Variants in OAS3 observed in about 807,000 individuals in gnomAD.
OAS3 encodes the protein 2'-5'-oligoadenylate synthetase 3, also known as 2'-5'-oligoadenylate synthase 3.
A neutral mutation model predicts 113.0 loss-of-function variants in OAS3; 107 were observed. That is an observed-to-expected ratio of 0.95 (90% CI 0.81 to 1.11). The LOEUF (loss-of-function observed/expected upper bound fraction) is 1.11. Among genes scored for constraint, OAS3 ranks in the 50% most tolerant of loss-of-function variants. The pLI, the probability that OAS3 is intolerant of heterozygous loss-of-function variation, is 0.00. For synonymous variants in OAS3, 552 were observed against 573.6 expected, an observed-to-expected ratio of 0.96 and a Z score of 0.54; for missense variants, 1,258 against 1,389.1, an observed-to-expected ratio of 0.91 and a Z score of 1.50.
At chr12:112,948,159 C>T in intron 5 of OAS3, 60 bp downstream of exon 5, 1 of 1,439,482 alleles carries the variant, frequency 6.9e-7, no homozygotes, top group South Asian at 1.5e-5. Flanking sequence ...TCCAGTGTTT[C>T]CTGAGCATCT....
intron 7 of OAS3, among the ~76,000 whole-genome samples, chr12:112,960,332 T>G (rs1237798473): frequency 6.6e-6 from 1 of 152,078 alleles, no homozygotes; most frequent in African/African-American, 2.4e-5. Context: ...ACAGGGGATT[T>G]TCTTTTTTCC....
chr12:112,969,562 CCT>C, intron 14 of OAS3, 44 bp from the exon 15 acceptor site: 9 of 1,569,274 alleles, frequency 5.7e-6, no homozygotes, highest in Non-Finnish European at 7.8e-6. Context: ...CAGGTGGACA[CCT>C]AGATGTTGCC....
chr12:112,958,209 A>G (rs1021313327), intron 7 of OAS3, among the ~76,000 whole-genome samples: 6 of 152,176 alleles, frequency 3.9e-5, no homozygotes, highest in Admixed American at 6.5e-5. Context: ...GGTCTTTTCT[A>G]TGCTGTTCAT....
rs1475327031 is a variant in OAS3, at chr12:112,949,221, G to A, written c.1374+16G>A. On this transcript the variant is annotated intron_variant, in intron 6 of 15. Transcript: ENST00000228928. ...AGTCAGTAAAGTGAGTTGGGCCAGT[G>A]GAGACACAGGGGGGACCCTATCGAG... 1.4e-5 allele frequency: 21 copies of A among 1,551,052 alleles called. No homozygotes were observed. The highest frequency in any genetic ancestry group is 1.9e-5 in the Admixed American group (1 of 53,704).
At chr12:112,941,966 A>G (rs2043685166) in intron 2 of OAS3, 114 bp downstream of exon 2, 1 of 1,312,940 alleles carries the variant, frequency 7.6e-7, no homozygotes, top group African/African-American at 1.4e-5. Flanking sequence ...GCCAGCCTCT[A>G]CCCCTCTCTC....
rs2136364469 is a variant in OAS3 at position 112,969,977 on chromosome 12, T to C, written c.*4T>C. The C allele has an allele frequency of 6.2e-7, 1 of 1,607,800 alleles. No individual in the cohort carries two copies. Among genetic ancestry groups the C allele is most frequent in the Non-Finnish European group, 8.5e-7 (1 of 1,176,968 alleles). ...ACTTCCCCAGGCTGCTGTGTGAAGTTGAGAAAATCAGCGGTCCTACTGGAT... is the reference window on the plus strand; with the variant it reads ...ACTTCCCCAGGCTGCTGTGTGAAGTCGAGAAAATCAGCGGTCCTACTGGAT... On this transcript the variant is annotated 3_prime_UTR_variant, in exon 16 of 16. Coordinates refer to ENST00000228928, the MANE Select transcript of OAS3 (RefSeq NM_006187.4).
chr12:112,939,280 C>T (rs1229117571), intron 1 of OAS3, among the ~76,000 whole-genome samples: 1 of 144,912 alleles, frequency 6.9e-6, no homozygotes. Flanking sequence ...TGAGGCTAGA[C>T]GCTAAATTAC....
rs1451663605 is a variant in OAS3, at chr12:112,970,249, A to C, written c.*276A>C. 5.5e-6 allele frequency: 3 copies of C among 541,582 alleles called. No individual in the cohort carries two copies. In the African/African-American group the frequency reaches 5.7e-5, roughly 10 times the overall value. 33.5% of individuals were successfully genotyped at this position (541,582 alleles called of 1,614,324 possible). A position where few individuals can be genotyped will look rare whatever the true frequency, so the allele number is the denominator to read the frequency against. The stretch of plus-strand genomic sequence containing the variant: ...TTGCAGCTTCTCTGTCACTTCCATG[A>C]CTCTATCCTCATACCACCACTGCTG... On this transcript the variant is annotated 3_prime_UTR_variant, in exon 16 of 16. Coordinates refer to ENST00000228928, the MANE Select transcript of OAS3 (RefSeq NM_006187.4).
chr12:112,956,197 T>G (rs1426913572), intron 7 of OAS3, among the ~76,000 whole-genome samples: 1 of 152,218 alleles, frequency 6.6e-6, no homozygotes, highest in Admixed American at 6.5e-5. Context: ...CTTTATCATT[T>G]TTTATTGTGT....
At chr12:112,947,087 C>A in intron 4 of OAS3, 106 bp downstream of exon 4, 3 of 835,896 alleles carry the variant, frequency 3.6e-6, no homozygotes, top group Non-Finnish European at 5.8e-6. Flanking sequence ...GTATAGAGGC[C>A]AAAGCAAAAT....
rs1171790962 is a variant in OAS3, at chr12:112,946,851, G to T, written c.745G>T (p.Ala249Ser). 3.7e-6 allele frequency: 6 copies of T among 1,613,866 alleles called. No homozygotes were observed. The Admixed American group carries it at 1.0e-4, about 27-fold the overall frequency. ...CTGTAAGAAGGATGCTTTCAGCCTA[G>T]CCGAAGGCCTCCGAACTGTCCTGGG... ...QGCKKDAFSL[A>S]EGLRTVLGLI... Residue 249 changes from alanine (A) to serine (S), a missense_variant, in exon 4 of 16, where the codon GCC becomes TCC. Transcript: ENST00000228928.
chr12:112,961,570 A>G (rs2043886397), intron 8 of OAS3, among the ~76,000 whole-genome samples: 2 of 151,538 alleles, frequency 1.3e-5, no homozygotes, highest in African/African-American at 4.9e-5. Context: ...TATTACCCCC[A>G]CCACATGTCT....
At chr12:112,953,840 A>AT (rs1288406827) in intron 7 of OAS3, among the ~76,000 whole-genome samples, 3 of 151,902 alleles carry the variant, frequency 2.0e-5, no homozygotes, top group Admixed American at 6.6e-5. Context: ...GGGTTGTTTG[A>AT]TTTTTTTCTT....
rs766049317 is a variant in OAS3, at chr12:112,946,952, G to A, written c.846G>A (p.Gln282=). ...NYGFEDPAVG[Q]FLQRQLKRPR... ...GCTTCGAGGACCCTGCAGTTGGGCA[G>A]TTCTTGCAGCGGCAGCTTAAGAGAC... The change falls in exon 4 of 16, where the codon CAG becomes CAA. Residue 282 remains glutamine, a synonymous_variant. Coordinates refer to ENST00000228928, the MANE Select transcript of OAS3 (RefSeq NM_006187.4). 6.2e-7 allele frequency: 1 copy of A among 1,614,030 alleles called. No individual in the cohort carries two copies. The highest frequency in any genetic ancestry group is 8.5e-7 in the Non-Finnish European group (1 of 1,179,894).
intron 2 of OAS3, among the ~76,000 whole-genome samples, chr12:112,944,056 G>C (rs2043704782): frequency 6.6e-6 from 1 of 152,148 alleles, no homozygotes. Context: ...TATTTCTTGG[G>C]CATCGTTTTC....
At chr12:112,951,622 G>A (rs2043792986) in intron 7 of OAS3, among the ~76,000 whole-genome samples, 1 of 152,062 alleles carries the variant, frequency 6.6e-6, no homozygotes, top group Non-Finnish European at 1.5e-5. Context: ...TTTTAAAACT[G>A]TAGTCAGAAA....
Position 112,954,433 on chromosome 12 carries a change from G to C in OAS3, c.1657+3458G>C, listed in dbSNP as rs1306662964. ...AGCTTCCCTAGTAGCTGGGACTACAGGTGCCCGCCACCACATCTGGCTAAT... is the reference window on the plus strand; with the variant it reads ...AGCTTCCCTAGTAGCTGGGACTACACGTGCCCGCCACCACATCTGGCTAAT... On this transcript the variant is annotated intron_variant, in intron 7 of 15. Coordinates refer to ENST00000228928, the MANE Select transcript of OAS3 (RefSeq NM_006187.4). This position sits in a 1 kb window ranked among gnomAD's most constrained non-coding sequence, Gnocchi z 4.0. Among the ~76,000 whole-genome samples, 1 of 152,168 alleles carries C rather than the reference G, an allele frequency of 6.6e-6. No individual in the cohort carries two copies. The highest frequency in any genetic ancestry group is 1.5e-5 in the Non-Finnish European group (1 of 68,034).
In OAS3 at chr12:112,963,000, G is replaced by A. The variant is rs114051772; in HGVS notation, c.2084+98G>A. ...CAGGAGGAGTCCAAGGTAGGGTTTG[G>A]GGTGGCAATCCCACTCCTCACTCTG... On this transcript the variant is annotated intron_variant, in intron 9 of 15. Transcript: ENST00000228928. The A allele has an allele frequency of 1.0e-3, 1,547 of 1,522,692 alleles. 15 individuals carry two copies. The African/African-American group carries it at 0.017, about 17-fold the overall frequency. The allele number at this position is 1,522,692 out of a possible 1,614,324, so 94.3% of individuals were successfully genotyped here.
intron 1 of OAS3, among the ~76,000 whole-genome samples, chr12:112,940,800 C>T (rs868821083): frequency 1.5e-4 from 23 of 152,226 alleles, no homozygotes; most frequent in Middle Eastern, 3.4e-3. Context: ...GTCAGGAATT[C>T]GAGACCAGTC....
Sources: allele counts gnomAD v4.1 joint callset (sites outside exome capture counted in the v4.1 genomes callset), GRCh38; gene constraint gnomAD v4.1.1; non-coding constraint Gnocchi (gnomAD v3.1); transcripts MANE v1.5; gene names NCBI Gene and HGNC (gene_info 2026-07-23, HGNC 2026-07-21).